The following BMPR1B variants were observed in gnomAD, a reference collection of about 807,000 sequenced individuals.
BMPR1B encodes the protein bone morphogenetic protein receptor type 1B.
BMPR1B carries 12 observed loss-of-function variants against 59.1 expected under a neutral mutation model. The observed-to-expected ratio is 0.20, with a 90% CI of 0.13 to 0.33. BMPR1B has a LOEUF of 0.33. BMPR1B is among the 10% of genes least tolerant of loss of function. BMPR1B has a pLI of 1.00. For synonymous variants in BMPR1B, 237 were observed against 207.3 expected, an observed-to-expected ratio of 1.14 and a Z score of -1.23; for missense variants, 550 against 610.9, an observed-to-expected ratio of 0.90 and a Z score of 1.05.
intron 2 of BMPR1B, among the ~76,000 whole-genome samples, chr4:94,920,627 C>T (rs1728653969): frequency 6.6e-6 from 1 of 151,930 alleles, no homozygotes; most frequent in African/African-American, 2.4e-5. Context: ...ACACCAAGAG[C>T]GAGTACTAAA....
intron 2 of BMPR1B, among the ~76,000 whole-genome samples, chr4:94,914,325 G>T (rs567912472): frequency 6.6e-6 from 1 of 152,286 alleles, no homozygotes; most frequent in South Asian, 2.1e-4. Flanking sequence ...TGAAGCAAAT[G>T]AGTTTGGTTT....
At chr4:95,101,727 T>C (rs981347797) in intron 3 of BMPR1B, among the ~76,000 whole-genome samples, 1 of 152,202 alleles carries the variant, frequency 6.6e-6, no homozygotes, top group Non-Finnish European at 1.5e-5. Flanking sequence ...AACTTTCTCC[T>C]ACAGTTTCCT....
chr4:94,977,105 A>G (rs1420722076), intron 2 of BMPR1B, among the ~76,000 whole-genome samples: 1 of 151,886 alleles, frequency 6.6e-6, no homozygotes, highest in Non-Finnish European at 1.5e-5. Context: ...TTTATAATCT[A>G]CCCCATTAGC....
intron 1 of BMPR1B, among the ~76,000 whole-genome samples, chr4:94,860,572 A>G (rs1725937170): frequency 1.3e-5 from 2 of 152,206 alleles, no homozygotes; most frequent in African/African-American, 4.8e-5. Context: ...GTTTGTAACT[A>G]TTGGTCTCTA....
At chr4:94,802,153 C>G (rs944775111) in intron 1 of BMPR1B, among the ~76,000 whole-genome samples, 3 of 152,170 alleles carry the variant, frequency 2.0e-5, no homozygotes, top group African/African-American at 4.8e-5. Context: ...TGGTGAAAGA[C>G]AAGTGCTGTA....
chr4:95,086,317 T>C (rs1396044244), intron 3 of BMPR1B, among the ~76,000 whole-genome samples: 6 of 152,196 alleles, frequency 3.9e-5, no homozygotes, highest in African/African-American at 1.4e-4. Context: ...ACTGGTAATT[T>C]CAGATATGAA....
At chr4:95,068,380 A>G (rs908120654) in intron 3 of BMPR1B, among the ~76,000 whole-genome samples, 5 of 152,168 alleles carry the variant, frequency 3.3e-5, no homozygotes, top group African/African-American at 1.2e-4. Context: ...ATCTGTGTGT[A>G]CCACGTCCAA....
At chr4:95,020,762 T>C (rs935072369) in intron 3 of BMPR1B, among the ~76,000 whole-genome samples, 10 of 152,192 alleles carry the variant, frequency 6.6e-5, no homozygotes, top group Non-Finnish European at 1.3e-4. Flanking sequence ...GGCACGATCG[T>C]TACTCACTGC....
chr4:94,826,359 G>A (rs1039179582), intron 1 of BMPR1B, among the ~76,000 whole-genome samples: 5 of 145,582 alleles, frequency 3.4e-5, no homozygotes, highest in African/African-American at 1.3e-4. Context: ...GCAGCACTGG[G>A]GTCTTCTTTC....
intron 2 of BMPR1B, among the ~76,000 whole-genome samples, chr4:94,988,342 A>G (rs1005529100): frequency 6.6e-6 from 1 of 152,122 alleles, no homozygotes; most frequent in South Asian, 2.1e-4. Context: ...AGCAACAACT[A>G]TAACAAAAAT....
intron 1 of BMPR1B, among the ~76,000 whole-genome samples, chr4:94,830,898 A>G (rs1247297843): frequency 6.6e-6 from 1 of 152,228 alleles, no homozygotes; most frequent in African/African-American, 2.4e-5. Flanking sequence ...AATGACAATT[A>G]TGTACAGTTT....
chr4:94,963,248 C>T (rs1730439248), intron 2 of BMPR1B, among the ~76,000 whole-genome samples: 1 of 152,034 alleles, frequency 6.6e-6, no homozygotes, highest in Admixed American at 6.6e-5. Context: ...TTATTAATCC[C>T]TTGTCAGATG....
At chr4:95,063,501 T>C (rs1727562156) in intron 3 of BMPR1B, among the ~76,000 whole-genome samples, 1 of 152,162 alleles carries the variant, frequency 6.6e-6, no homozygotes, top group South Asian at 2.1e-4. Context: ...AATAACTTGC[T>C]CGAGGTCACA....
At position 95,104,204 on chromosome 4, in the gene BMPR1B, A is replaced by G. The variant is rs1191540222; in HGVS notation, c.-17-204A>G. On this transcript the variant is annotated intron_variant, in intron 3 of 12. Transcript: ENST00000515059. ...CATAAAATATCCTCCTGAAAGGATT[A>G]TGGGTCTTTCTTTATTCTGTATGAG... is the stretch of plus-strand genomic sequence containing the variant. 2.0e-5 allele frequency among the ~76,000 whole-genome samples: 3 copies of G among 152,162 alleles called. No individual in the cohort carries two copies. The East Asian group carries it at 5.8e-4, about 29-fold the overall frequency.
At chr4:95,128,864 G>T (rs1477886795) in intron 8 of BMPR1B, among the ~76,000 whole-genome samples, 1 of 151,750 alleles carries the variant, frequency 6.6e-6, no homozygotes, top group Non-Finnish European at 1.5e-5. Context: ...AATCTACTTG[G>T]GTTGTTTCTG....
At chr4:95,056,053 A>G (rs1726905364) in intron 3 of BMPR1B, among the ~76,000 whole-genome samples, 3 of 152,224 alleles carry the variant, frequency 2.0e-5, no homozygotes, top group South Asian at 4.1e-4. Context: ...TAGAATTCAT[A>G]TAAGAATTTG....
At chr4:94,808,380 AT>A (rs1235625075) in intron 1 of BMPR1B, among the ~76,000 whole-genome samples, 1 of 152,204 alleles carries the variant, frequency 6.6e-6, no homozygotes, top group Non-Finnish European at 1.5e-5. Flanking sequence ...ATTTGATAAT[AT>A]AGCAACATTA....
intron 3 of BMPR1B, among the ~76,000 whole-genome samples, chr4:95,030,689 A>G (rs1724772546): frequency 6.6e-6 from 1 of 152,166 alleles, no homozygotes; most frequent in South Asian, 2.1e-4. Flanking sequence ...ATACAAAATC[A>G]ATGTACAAAA....
intron 3 of BMPR1B, among the ~76,000 whole-genome samples, chr4:95,066,222 A>G (rs1375334512): frequency 6.6e-6 from 1 of 152,238 alleles, no homozygotes; most frequent in African/African-American, 2.4e-5. Flanking sequence ...ACTTGTTAAT[A>G]TAACAGAAAT....
Sources: gnomAD v4.1 joint callset for allele counts (sites outside exome capture counted in the v4.1 genomes callset) on GRCh38, gnomAD v4.1.1 for gene constraint, MANE v1.5 for transcripts, NCBI Gene and HGNC (gene_info 2026-07-23, HGNC 2026-07-21) for gene names.